The following BLTP1 variants were observed in gnomAD, a reference collection of about 807,000 sequenced individuals.
The protein encoded by BLTP1 is fragile site-associated protein.
At chr4:122,338,462 GGTCTCTAAAAAAACAGAGT>G in the BLTP1 span, among the ~76,000 whole-genome samples, 11 of 151,732 alleles carry the variant, frequency 7.2e-5, no homozygotes, top group Non-Finnish European at 1.5e-4. Context: ...ACAACAGAGT[GGTCTCTAAAAAAACAGAGT>G]GTCTCTAAAA....
the BLTP1 span, among the ~76,000 whole-genome samples, chr4:122,284,758 G>T: frequency 2.6e-5 from 4 of 152,014 alleles, no homozygotes; most frequent in African/African-American, 9.7e-5. Context: ...TTTTGTTATC[G>T]TTGTTATTAA....
the BLTP1 span, among the ~76,000 whole-genome samples, chr4:122,231,072 A>G: frequency 1.3e-5 from 2 of 152,194 alleles, no homozygotes; most frequent in Non-Finnish European, 2.9e-5. Context: ...TATATTAAAT[A>G]TTTAGATTGT....
At chr4:122,199,175 T>C in the BLTP1 span, 1 of 299,616 alleles carries the variant, frequency 3.3e-6, no homozygotes, top group Non-Finnish European at 4.9e-6. Context: ...CTTTGTTCCT[T>C]TAGAACATGA....
chr4:122,324,404 T>C, the BLTP1 span: 29 of 1,601,744 alleles, frequency 1.8e-5, no homozygotes, highest in African/African-American at 2.3e-4. Context: ...ATAGTCACCC[T>C]TTTTTCTCTC....
chr4:122,284,852 T>C, the BLTP1 span, among the ~76,000 whole-genome samples: 1 of 152,234 alleles, frequency 6.6e-6, no homozygotes, highest in Non-Finnish European at 1.5e-5. Context: ...TTTGATACTA[T>C]CTATGATTTC....
chr4:122,188,841 A>G, the BLTP1 span: 1 of 536,374 alleles, frequency 1.9e-6, no homozygotes, highest in Non-Finnish European at 2.4e-6. Flanking sequence ...TAGGTACCTT[A>G]TGAGGTTTTA....
At chr4:122,291,835 T>A in the BLTP1 span, 305 of 979,804 alleles carry the variant, frequency 3.1e-4, 1 homozygote, top group African/African-American at 4.8e-3. Flanking sequence ...TTGTTTAGTA[T>A]GTTTTGTGAA....
chr4:122,250,998 A>T, the BLTP1 span: 7 of 985,022 alleles, frequency 7.1e-6, no homozygotes, highest in Non-Finnish European at 8.4e-6. Flanking sequence ...ATGGCACCTT[A>T]TATTCAACTC....
chr4:122,349,879 T>C, the BLTP1 span: 1 of 1,613,616 alleles, frequency 6.2e-7, no homozygotes, highest in African/African-American at 1.3e-5. This position sits in a 1 kb window ranked among gnomAD's most constrained non-coding sequence, Gnocchi z 4.5. Flanking sequence ...CCATGGAGAT[T>C]TGAAGTGGGA....
At chr4:122,231,406 C>A in the BLTP1 span, among the ~76,000 whole-genome samples, 1 of 151,430 alleles carries the variant, frequency 6.6e-6, no homozygotes, top group Non-Finnish European at 1.5e-5. Flanking sequence ...TTAGCTGTTT[C>A]GATTTCTTCA....
At chr4:122,183,059 G>C in the BLTP1 span, 5 of 981,064 alleles carry the variant, frequency 5.1e-6, no homozygotes, top group East Asian at 4.6e-4. Flanking sequence ...AGCTGGGTTG[G>C]TTGCAGTAGC....
the BLTP1 span, among the ~76,000 whole-genome samples, chr4:122,168,697 T>TA: frequency 4.6e-5 from 7 of 152,256 alleles, no homozygotes; most frequent in East Asian, 1.4e-3. Context: ...CGAGAACATT[T>TA]TTTACTCAGT....
At chr4:122,209,007 T>TAA in the BLTP1 span, 4 of 608,660 alleles carry the variant, frequency 6.6e-6, no homozygotes, top group Non-Finnish European at 8.5e-6. Context: ...AAAAAAAAGA[T>TAA]AAATAATACA....
the BLTP1 span, among the ~76,000 whole-genome samples, chr4:122,164,933 C>T: frequency 6.6e-6 from 1 of 151,956 alleles, no homozygotes; most frequent in Non-Finnish European, 1.5e-5. Context: ...GACCATATTC[C>T]AAAATGCCAA....
the BLTP1 span, chr4:122,277,669 A>G: frequency 1.0e-6 from 1 of 975,466 alleles, no homozygotes; most frequent in Non-Finnish European, 1.2e-6. Context: ...GACTTTTATC[A>G]TTTGTTTACC....
chr4:122,153,821 T>A, the BLTP1 span: 1 of 203,562 alleles, frequency 4.9e-6, no homozygotes, highest in African/African-American at 2.4e-5. Flanking sequence ...TTTGGAAGGC[T>A]TCAGTTTGGA....
At chr4:122,315,392 T>C in the BLTP1 span, 2,650 of 1,587,718 alleles carry the variant, frequency 1.7e-3, 10 homozygotes, top group Non-Finnish European at 1.4e-3. Flanking sequence ...GTGGCCATTA[T>C]TACTTTGTAA....
chr4:122,167,877 A>G, the BLTP1 span: 1 of 985,400 alleles, frequency 1.0e-6, no homozygotes, highest in Non-Finnish European at 1.2e-6. Flanking sequence ...GGAAACAACC[A>G]GTTTGTATTT....
At chr4:122,199,446 T>C in the BLTP1 span, 1 of 1,612,358 alleles carries the variant, frequency 6.2e-7, no homozygotes, top group African/African-American at 1.3e-5. Context: ...GCAGAAATGT[T>C]AGCAGTAAGT....
Sources: gnomAD v4.1 joint callset for allele counts (sites outside exome capture counted in the v4.1 genomes callset) on GRCh38, gnomAD v4.1.1 for gene constraint, Gnocchi (gnomAD v3.1) non-coding constraint, MANE v1.5 for transcripts, NCBI Gene and HGNC (gene_info 2026-07-23, HGNC 2026-07-21) for gene names.